The following LRRTM4 variants were observed in gnomAD, a reference collection of about 807,000 sequenced individuals.
LRRTM4 encodes leucine-rich repeat transmembrane neuronal protein 4.
LRRTM4 carries 25 observed loss-of-function variants against 47.6 expected under a neutral mutation model. That is an observed-to-expected ratio of 0.53 (90% CI 0.38 to 0.73). The LOEUF (loss-of-function observed/expected upper bound fraction) is 0.73, where lower values mean the gene tolerates loss of function less well. LRRTM4 is among the 30% of genes least tolerant of loss of function. The probability of loss-of-function intolerance (pLI) is 0.00; values close to 1 mark genes in which losing one functional copy is unlikely to be tolerated. For missense variants in LRRTM4, 638 were observed against 713.4 expected (o/e 0.89, Z 1.20); for synonymous variants, 311 against 269.5 (o/e 1.15, Z -1.51).
At chr2:77,111,280 G>A (rs1390224256) in intron 3 of LRRTM4, among the ~76,000 whole-genome samples, 1 of 114,828 alleles carries the variant, frequency 8.7e-6, no homozygotes, top group Non-Finnish European at 1.6e-5. Flanking sequence ...ACCACACCTG[G>A]CTATTTTTTT....
At chr2:76,942,266 C>T (rs1350785049) in intron 3 of LRRTM4, among the ~76,000 whole-genome samples, 1 of 152,044 alleles carries the variant, frequency 6.6e-6, no homozygotes, top group African/African-American at 2.4e-5. Flanking sequence ...GTTGTCTGTT[C>T]ACTCTGATGA....
chr2:77,068,602 A>G (rs927358449), intron 3 of LRRTM4, among the ~76,000 whole-genome samples: 1 of 152,194 alleles, frequency 6.6e-6, no homozygotes, highest in Admixed American at 6.5e-5. Flanking sequence ...ATATGTTTTC[A>G]ACGTTCTTCT....
intron 3 of LRRTM4, among the ~76,000 whole-genome samples, chr2:76,992,564 C>T (rs1005980472): frequency 6.6e-6 from 1 of 151,228 alleles, no homozygotes; most frequent in African/African-American, 2.4e-5. Flanking sequence ...ATATGGCTAG[C>T]CAAGCAGGTA....
chr2:76,782,439 G>A (rs570043004), intron 3 of LRRTM4, among the ~76,000 whole-genome samples: 19 of 152,050 alleles, frequency 1.2e-4, no homozygotes, highest in Non-Finnish European at 2.4e-4. Context: ...TAAGGTTTAC[G>A]ATATTGCACT....
chr2:77,203,347 G>T (rs938487575), intron 3 of LRRTM4, among the ~76,000 whole-genome samples: 1 of 152,038 alleles, frequency 6.6e-6, no homozygotes, highest in Non-Finnish European at 1.5e-5. Flanking sequence ...ATGGACAGGG[G>T]ATGGTAATTA....
chr2:76,895,169 TC>T lies in LRRTM4; in HGVS notation c.1552-146254del, dbSNP rs1673372190. On this transcript the variant is annotated intron_variant, in intron 3 of 3. Transcript: ENST00000409884. Reference sequence around the variant, plus strand: ...CATTTGCATTTCTATTTGTAACTTATCTAATATTTATAGCATCCTGTGTTAA... The same window carrying T: ...CATTTGCATTTCTATTTGTAACTTATTAATATTTATAGCATCCTGTGTTAA... 2.0e-5 allele frequency among the ~76,000 whole-genome samples: 3 copies of T among 152,146 alleles called. 1 individual carries two copies. The highest frequency in any genetic ancestry group is 6.8e-3 in the Middle Eastern group (2 of 294).
At chr2:77,180,520 G>T (rs1348471216) in intron 3 of LRRTM4, among the ~76,000 whole-genome samples, 8 of 152,094 alleles carry the variant, frequency 5.3e-5, no homozygotes, top group Admixed American at 5.2e-4. Flanking sequence ...ATAAAATGGA[G>T]ATTTAGTTCT....
intron 3 of LRRTM4, among the ~76,000 whole-genome samples, chr2:76,985,128 T>A (rs1187701080): frequency 1.3e-5 from 2 of 152,020 alleles, no homozygotes; most frequent in African/African-American, 2.4e-5. Flanking sequence ...GAATTCTTTA[T>A]CTTCTATCAA....
rs1472250884 is a variant in LRRTM4 at position 76,899,340 on chromosome 2, CACACACACACACAT to C, written c.1552-150438_1552-150425del. ...ACACACACACACACACACACACACA[CACACACACACACAT>C]ATATATATATAAACTATATTTTATA... is the stretch of plus-strand genomic sequence containing the variant. On this transcript the variant is annotated intron_variant, in intron 3 of 3. Coordinates refer to ENST00000409884, the MANE Select transcript of LRRTM4 (RefSeq NM_001134745.3). Among the ~76,000 whole-genome samples, 624 of 129,286 alleles carry C rather than the reference CACACACACACACAT, an allele frequency of 4.8e-3. 2 individuals carry two copies. Among genetic ancestry groups the C allele is most frequent in the African/African-American group, 0.016 (595 of 37,538 alleles). The allele number at this position is 129,286 out of a possible 152,430, so 84.8% of individuals were successfully genotyped here.
At chr2:77,241,819 G>A (rs1675277100) in intron 3 of LRRTM4, among the ~76,000 whole-genome samples, 1 of 151,676 alleles carries the variant, frequency 6.6e-6, no homozygotes, top group African/African-American at 2.4e-5. Context: ...TAGATCTTTG[G>A]TCCATTTTTA....
intron 3 of LRRTM4, among the ~76,000 whole-genome samples, chr2:77,081,634 T>C (rs1019931661): frequency 6.6e-6 from 1 of 152,204 alleles, no homozygotes; most frequent in Admixed American, 6.5e-5. Context: ...GGCAAGTATA[T>C]TGTCAAGTTT....
intron 3 of LRRTM4, among the ~76,000 whole-genome samples, chr2:76,809,601 C>G (rs74757022): frequency 0.028 from 4,209 of 152,256 alleles, 193 homozygotes; most frequent in East Asian, 0.082. Flanking sequence ...TTCTCTTCTT[C>G]CATTCTTGCC....
chr2:77,002,948 C>T (rs1278589130), intron 3 of LRRTM4, among the ~76,000 whole-genome samples: 1 of 152,100 alleles, frequency 6.6e-6, no homozygotes, highest in East Asian at 1.9e-4. Context: ...TTCTGGACCA[C>T]ACCAATCATT....
intron 3 of LRRTM4, among the ~76,000 whole-genome samples, chr2:77,416,881 A>C (rs1446981967): frequency 2.6e-5 from 4 of 152,126 alleles, no homozygotes; most frequent in African/African-American, 9.7e-5. Flanking sequence ...ACAAAAGCCA[A>C]AATTGACAAA....
At position 77,452,229 on chromosome 2, in the gene LRRTM4, T is replaced by A. The variant is rs1043350844; in HGVS notation, c.1551+66089A>T. 2.0e-5 allele frequency among the ~76,000 whole-genome samples: 3 copies of A among 152,118 alleles called. No individual in the cohort carries two copies. The East Asian group carries it at 5.8e-4, about 29-fold the overall frequency. On this transcript the variant is annotated intron_variant, in intron 3 of 3. Transcript: ENST00000409884. The stretch of plus-strand genomic sequence containing the variant: ...ATGAAAACAGATAAAGGGGAACAGT[T>A]TATTAAGTTATTGCAGTGGACTACG...
At chr2:77,281,540 T>C (rs1176420208) in intron 3 of LRRTM4, among the ~76,000 whole-genome samples, 14 of 151,796 alleles carry the variant, frequency 9.2e-5, no homozygotes, top group Non-Finnish European at 1.5e-5. Context: ...AGGGGTGAAG[T>C]AGAAAATTTC....
intron 3 of LRRTM4, among the ~76,000 whole-genome samples, chr2:76,901,170 C>T (rs756215730): frequency 6.6e-6 from 1 of 152,194 alleles, no homozygotes; most frequent in South Asian, 2.1e-4. Flanking sequence ...GCCTGGCGTG[C>T]ATTAGGTATG....
intron 3 of LRRTM4, among the ~76,000 whole-genome samples, chr2:77,130,382 G>A (rs1377814507): frequency 2.0e-5 from 3 of 151,978 alleles, no homozygotes; most frequent in Non-Finnish European, 4.4e-5. Context: ...GTTTAAGGGT[G>A]TGGCAGACAG....
chr2:77,295,286 G>A (rs1676938697), intron 3 of LRRTM4, among the ~76,000 whole-genome samples: 1 of 151,966 alleles, frequency 6.6e-6, no homozygotes, highest in Non-Finnish European at 1.5e-5. Flanking sequence ...CTTAGTAATT[G>A]TTTTACCCCA....
Sources: gnomAD v4.1 joint callset for allele counts (sites outside exome capture counted in the v4.1 genomes callset) on GRCh38, gnomAD v4.1.1 for gene constraint, MANE v1.5 for transcripts, NCBI Gene and HGNC (gene_info 2026-07-23, HGNC 2026-07-21) for gene names.